PPP2R3A: variants seen among roughly 807,000 people sequenced by gnomAD.
PPP2R3A encodes protein phosphatase 2 regulatory subunit B''alpha.
PPP2R3A carries 80 observed loss-of-function variants against 106.9 expected under a neutral mutation model. The ratio of observed to expected loss-of-function variants is 0.75; its 90% CI spans 0.62 to 0.90. The LOEUF (loss-of-function observed/expected upper bound fraction) is 0.90. Ranked by LOEUF, PPP2R3A falls within the 40% of genes least tolerant of loss-of-function variation. PPP2R3A has a pLI of 0.00. For missense variants in PPP2R3A, 1,386 were observed against 1,350.4 expected (o/e 1.03, Z -0.41); for synonymous variants, 483 against 468.3 (o/e 1.03, Z -0.41).
rs1576444102 is a variant in PPP2R3A, at chr3:136,026,873, A to C, written c.2037A>C (p.Pro679=). ...AAAAGAAACCTGGAACACCACTCCCACCTCCAGCCACCTCTCCAAGTAGTC... is the reference window on the plus strand; with the variant it reads ...AAAAGAAACCTGGAACACCACTCCCCCCTCCAGCCACCTCTCCAAGTAGTC... ...KPEKKPGTPL[P]PPATSPSSPR... is the part of the protein sequence containing the mutation. The change falls in exon 3 of 14, where the codon CCA becomes CCC. Residue 679 remains proline (P), a synonymous_variant. Coordinates refer to ENST00000264977, the MANE Select transcript of PPP2R3A (RefSeq NM_002718.5). The C allele has an allele frequency of 6.2e-7, 1 of 1,612,550 alleles. No individual in the cohort carries two copies. The highest frequency in any genetic ancestry group is 2.2e-5 in the East Asian group (1 of 44,848).
chr3:135,988,679 C>G (rs1483475632), intron 1 of PPP2R3A, among the ~76,000 whole-genome samples: 1 of 152,108 alleles, frequency 6.6e-6, no homozygotes, highest in Non-Finnish European at 1.5e-5. Context: ...CTTTTGCTTC[C>G]TTTTCCCCTA....
chr3:136,143,619 G>A (rs543017453), intron 13 of PPP2R3A, among the ~76,000 whole-genome samples: 1 of 151,890 alleles, frequency 6.6e-6, no homozygotes, highest in Non-Finnish European at 1.5e-5. Flanking sequence ...GTGAAACCCT[G>A]TCTCTACTGA....
chr3:136,130,584 C>G (rs1938373737), intron 13 of PPP2R3A, among the ~76,000 whole-genome samples: 1 of 152,088 alleles, frequency 6.6e-6, no homozygotes, highest in Admixed American at 6.6e-5. Flanking sequence ...GCCATACTGC[C>G]CAAAGTAATT....
At chr3:136,029,204 C>A (rs1934775089) in intron 3 of PPP2R3A, among the ~76,000 whole-genome samples, 2 of 152,186 alleles carry the variant, frequency 1.3e-5, no homozygotes, top group East Asian at 3.8e-4. Flanking sequence ...CTCAGGTAAG[C>A]AGACAAAGAG....
chr3:136,030,795 T>C (rs1934855273), intron 3 of PPP2R3A, among the ~76,000 whole-genome samples: 2 of 144,794 alleles, frequency 1.4e-5, no homozygotes, highest in South Asian at 4.3e-4. Flanking sequence ...TGTATGTATG[T>C]ATGTATGTAT....
At chr3:135,988,261 A>AC (rs1230039185) in intron 1 of PPP2R3A, among the ~76,000 whole-genome samples, 3 of 152,048 alleles carry the variant, frequency 2.0e-5, no homozygotes, top group Non-Finnish European at 4.4e-5. Context: ...TTAAAAAAAA[A>AC]AAAAAACAGT....
chr3:136,096,336 T>TA (rs1251365540), intron 10 of PPP2R3A, among the ~76,000 whole-genome samples: 2 of 152,154 alleles, frequency 1.3e-5, no homozygotes, highest in Non-Finnish European at 2.9e-5. Context: ...ATGAATTTCC[T>TA]AAAAAAAGTA....
Position 136,146,801 on chromosome 3 carries a change from TCTC to T in PPP2R3A, c.*1638_*1640del, listed in dbSNP as rs373297416. On this transcript the variant is annotated 3_prime_UTR_variant, in exon 14 of 14. Transcript: ENST00000264977. Reference sequence around the variant, plus strand: ...AAGATTATTTATGTGATAAATGAAATCTCCTACCAATCCATCCAGCCTTTACCA... The same window carrying T: ...AAGATTATTTATGTGATAAATGAAATCTACCAATCCATCCAGCCTTTACCA... 3.6e-4 allele frequency: 54 copies of T among 151,464 alleles called. 2 individuals are homozygous for T. In the East Asian group the frequency reaches 9.3e-3, roughly 26 times the overall value. 9.4% of individuals were successfully genotyped at this position (151,464 alleles called of 1,614,324 possible).
intron 12 of PPP2R3A, among the ~76,000 whole-genome samples, chr3:136,104,360 G>T (rs976946258): frequency 2.6e-5 from 4 of 151,978 alleles, no homozygotes; most frequent in Non-Finnish European, 4.4e-5. Flanking sequence ...AGGCTGGAGT[G>T]CAATGGTGTG....
chr3:135,991,098 T>G (rs1463814375), intron 1 of PPP2R3A, among the ~76,000 whole-genome samples: 2 of 152,158 alleles, frequency 1.3e-5, no homozygotes, highest in Non-Finnish European at 2.9e-5. Context: ...AGGACTGGGT[T>G]TGGCAGATCC....
chr3:136,089,401 G>A (rs1254640116), intron 9 of PPP2R3A, among the ~76,000 whole-genome samples: 1 of 152,036 alleles, frequency 6.6e-6, no homozygotes, highest in East Asian at 1.9e-4. Flanking sequence ...TAGGTGTGCA[G>A]CTTTATTTCT....
chr3:136,019,790 T>C (rs1321953950), intron 2 of PPP2R3A, among the ~76,000 whole-genome samples: 1 of 152,212 alleles, frequency 6.6e-6, no homozygotes, highest in Non-Finnish European at 1.5e-5. Flanking sequence ...CTGGTCTTTT[T>C]GCCTCTGAAT....
intron 13 of PPP2R3A, among the ~76,000 whole-genome samples, chr3:136,114,022 C>T (rs974440924): frequency 6.6e-5 from 10 of 152,100 alleles, no homozygotes; most frequent in African/African-American, 2.4e-4. Context: ...CCAGCCAGAT[C>T]GACACAGAAG....
Position 136,030,778 on chromosome 3 carries a change from ATATGTATGTATG to A in PPP2R3A, c.2262+3716_2262+3727del, listed in dbSNP as rs1160535378. Among the ~76,000 whole-genome samples, 66 of 111,228 alleles carry A rather than the reference ATATGTATGTATG, an allele frequency of 5.9e-4. 1 individual carries two copies. Among genetic ancestry groups the A allele is most frequent in the Middle Eastern group, 4.0e-3 (1 of 252 alleles). The allele number at this position is 111,228 out of a possible 152,430, so 73.0% of individuals were successfully genotyped here. On this transcript the variant is annotated intron_variant, in intron 3 of 13. Coordinates refer to ENST00000264977, the MANE Select transcript of PPP2R3A (RefSeq NM_002718.5). ...TTCCATCACATATATATATATATAT[ATATGTATGTATG>A]TATGTATGTATGTATGTATGTATGT...
Position 136,049,890 on chromosome 3 carries a change from A to C in PPP2R3A, c.2469+529A>C, listed in dbSNP as rs75199015. On this transcript the variant is annotated intron_variant, in intron 5 of 13. Transcript: ENST00000264977. Reference sequence around the variant, plus strand: ...TCAACCCAAGATATATTTGAAACAGAAAATTAGAATAGGAGAAGGGAAAGA... The same window carrying C: ...TCAACCCAAGATATATTTGAAACAGCAAATTAGAATAGGAGAAGGGAAAGA... Among the ~76,000 whole-genome samples, 449 of 152,330 alleles carry C rather than the reference A, an allele frequency of 2.9e-3. 5 individuals are homozygous for C. The East Asian group carries it at 0.048, about 16-fold the overall frequency.
At chr3:135,990,902 G>A (rs1933132662) in intron 1 of PPP2R3A, among the ~76,000 whole-genome samples, 3 of 151,994 alleles carry the variant, frequency 2.0e-5, no homozygotes, top group African/African-American at 4.8e-5. Flanking sequence ...GTAACCTCTC[G>A]GGGGCTTTCT....
Position 136,002,200 on chromosome 3 carries a change from C to A in PPP2R3A, c.702C>A (p.Asp234Glu). The change falls in exon 2 of 14, where the codon GAC becomes GAA. Residue 234 changes from aspartate (D) to glutamate (E), a missense_variant. By Grantham distance (45) the Asp-to-Glu change is conservative. Transcript: ENST00000264977. ...SSGTDIKMCL[D>E]ILLKCSEDLK... ...GGACAGACATAAAGATGTGCTTGGA[C>A]ATCTTATTGAAATGCTCCGAGGATT... is the stretch of plus-strand genomic sequence containing the variant. 1 of 1,613,224 alleles carries A rather than the reference C, an allele frequency of 6.2e-7. No individual in the cohort carries two copies. The highest frequency in any genetic ancestry group is 8.5e-7 in the Non-Finnish European group (1 of 1,179,676).
At chr3:136,006,130 CT>C (rs1933836383) in intron 2 of PPP2R3A, among the ~76,000 whole-genome samples, 2 of 152,296 alleles carry the variant, frequency 1.3e-5, no homozygotes, top group South Asian at 4.1e-4. Context: ...GTGCTTCCCA[CT>C]TTTTTGACAA....
rs180915400 is a variant in PPP2R3A at position 136,145,269 on chromosome 3, C to G, written c.*103C>G. 6.5e-6 allele frequency: 9 copies of G among 1,388,108 alleles called. No individual in the cohort carries two copies. Among genetic ancestry groups the G allele is most frequent in the Admixed American group, 2.6e-5 (1 of 39,196 alleles). The allele number at this position is 1,388,108 out of a possible 1,614,324, so 86.0% of individuals were successfully genotyped here. On this transcript the variant is annotated 3_prime_UTR_variant, in exon 14 of 14. Coordinates refer to ENST00000264977, the MANE Select transcript of PPP2R3A (RefSeq NM_002718.5). The stretch of plus-strand genomic sequence containing the variant: ...CTGCTTTTTAAAGACTTTGATTTCT[C>G]CAAGTGTGTATCATCTGCACTAGGA...
Sources: gnomAD v4.1 joint callset for allele counts (sites outside exome capture counted in the v4.1 genomes callset) on GRCh38, gnomAD v4.1.1 for gene constraint, MANE v1.5 for transcripts, NCBI Gene and HGNC (gene_info 2026-07-23, HGNC 2026-07-21) for gene names.